The following MAPK10 variants were observed in gnomAD, a reference collection of about 807,000 sequenced individuals.
MAPK10 encodes the protein mitogen-activated protein kinase 10, also known as JNK3 alpha protein kinase.
A neutral mutation model predicts 59.3 loss-of-function variants in MAPK10; 25 were observed. That is an observed-to-expected ratio of 0.42 (90% CI 0.31 to 0.59). The LOEUF (loss-of-function observed/expected upper bound fraction) is 0.59, where lower values mean the gene tolerates loss of function less well. Ranked by LOEUF, MAPK10 falls within the 20% of genes least tolerant of loss-of-function variation. The pLI, the probability that MAPK10 is intolerant of heterozygous loss-of-function variation, is 0.15. For missense variants in MAPK10, 351 were observed against 568.9 expected, an observed-to-expected ratio of 0.62 and a Z score of 3.90; for synonymous variants, 190 against 200.5, an observed-to-expected ratio of 0.95 and a Z score of 0.44.
At chr4:86,462,482 AC>A (rs1751835212) in intron 1 of MAPK10, among the ~76,000 whole-genome samples, 1 of 152,174 alleles carries the variant, frequency 6.6e-6, no homozygotes. Flanking sequence ...TAAACATCCT[AC>A]CTGTGAAATA....
intron 1 of MAPK10, among the ~76,000 whole-genome samples, chr4:86,355,277 T>C (rs1049823128): frequency 5.3e-5 from 8 of 152,078 alleles, no homozygotes; most frequent in African/African-American, 9.7e-5. Flanking sequence ...GAAAATATGG[T>C]CATCATACCC....
intron 1 of MAPK10, among the ~76,000 whole-genome samples, chr4:86,383,078 T>C (rs1245730292): frequency 1.3e-5 from 2 of 152,244 alleles, no homozygotes; most frequent in Admixed American, 6.5e-5. Context: ...AAGAACTATA[T>C]AAGTAAATGT....
intron 1 of MAPK10, among the ~76,000 whole-genome samples, chr4:86,563,342 TA>T (rs763226898): frequency 2.8e-4 from 42 of 150,406 alleles, no homozygotes; most frequent in Admixed American, 2.2e-3. Flanking sequence ...ATGAGGGAGG[TA>T]AAAAAAAATG....
chr4:86,227,473 C>A (rs1446748309), intron 2 of MAPK10, among the ~76,000 whole-genome samples: 2 of 132,986 alleles, frequency 1.5e-5, no homozygotes, highest in Non-Finnish European at 3.1e-5. Context: ...GGCGACAGAG[C>A]GAGACTCCCT....
At chr4:86,073,485 T>C (rs1411330945) in intron 9 of MAPK10, among the ~76,000 whole-genome samples, 1 of 137,342 alleles carries the variant, frequency 7.3e-6, no homozygotes, top group Non-Finnish European at 1.6e-5. Context: ...ATTGTGATGT[T>C]AGGGTGTCAA....
At chr4:86,149,415 C>T (rs932699789) in intron 4 of MAPK10, among the ~76,000 whole-genome samples, 8 of 152,074 alleles carry the variant, frequency 5.3e-5, no homozygotes, top group African/African-American at 1.4e-4. Context: ...TATAGGCACC[C>T]ACCACCACGC....
intron 4 of MAPK10, among the ~76,000 whole-genome samples, chr4:86,135,249 A>G (rs967971196): frequency 1.3e-5 from 2 of 152,174 alleles, no homozygotes; most frequent in Non-Finnish European, 2.9e-5. Flanking sequence ...AGACAAACAA[A>G]AAGCCAGCAG....
chr4:86,096,362 T>C (rs1343267221), intron 9 of MAPK10, among the ~76,000 whole-genome samples: 1 of 151,956 alleles, frequency 6.6e-6, no homozygotes, highest in African/African-American at 2.4e-5. Flanking sequence ...GTTTTTTTGT[T>C]TGTTTTTCTG....
chr4:86,347,551 A>G (rs1461645342), intron 2 of MAPK10, among the ~76,000 whole-genome samples: 3 of 152,142 alleles, frequency 2.0e-5, no homozygotes, highest in African/African-American at 7.2e-5. Flanking sequence ...ACAATACTAG[A>G]GTGTCTTAGT....
intron 9 of MAPK10, chr4:86,079,964 T>G (rs2050294679): frequency 6.6e-6 from 1 of 152,128 alleles, no homozygotes; most frequent in South Asian, 2.1e-4. Context: ...ACTCTGCAGC[T>G]ATTATCACCT....
In MAPK10 at chr4:86,257,131, A is replaced by G. The variant is rs377114677; in HGVS notation, c.-6-62724T>C. 2.3e-4 allele frequency among the ~76,000 whole-genome samples: 35 copies of G among 152,312 alleles called. No individual in the cohort carries two copies. The Middle Eastern group carries it at 0.01, about 44-fold the overall frequency. The stretch of plus-strand genomic sequence containing the variant: ...TGTCATCTTAAAGAAGAAAATAGAG[A>G]AGATATAGGACACTAGCATGAATAT... On this transcript the variant is annotated intron_variant, in intron 2 of 13. Coordinates refer to ENST00000641462, the MANE Select transcript of MAPK10 (RefSeq NM_138982.4).
chr4:86,548,077 C>T (rs1467736343), intron 1 of MAPK10, among the ~76,000 whole-genome samples: 2 of 152,158 alleles, frequency 1.3e-5, no homozygotes, highest in Non-Finnish European at 2.9e-5. Flanking sequence ...TTCTTTCACT[C>T]TTTGCAATAA....
At chr4:86,142,998 T>C (rs1014324911) in intron 4 of MAPK10, among the ~76,000 whole-genome samples, 5 of 152,202 alleles carry the variant, frequency 3.3e-5, no homozygotes, top group African/African-American at 1.2e-4. Flanking sequence ...AAATACCTGA[T>C]ACTGGGTAAT....
At chr4:86,429,101 TTTTC>T (rs904190771) in intron 1 of MAPK10, among the ~76,000 whole-genome samples, 7 of 152,260 alleles carry the variant, frequency 4.6e-5, no homozygotes, top group South Asian at 2.1e-4. Flanking sequence ...TTATCAATAT[TTTTC>T]TTTCTTTCTT....
intron 2 of MAPK10, among the ~76,000 whole-genome samples, chr4:86,216,297 T>TAC (rs1563203145): frequency 0.066 from 5,618 of 84,962 alleles, 366 homozygotes; most frequent in African/African-American, 0.25. Context: ...ATATATAGCA[T>TAC]ATATATATAT....
chr4:86,504,403 T>A (rs1318898453), intron 1 of MAPK10, among the ~76,000 whole-genome samples: 1 of 152,114 alleles, frequency 6.6e-6, no homozygotes, highest in African/African-American at 2.4e-5. Context: ...ATCCTTCCGA[T>A]TATTGTCTGT....
intron 2 of MAPK10, among the ~76,000 whole-genome samples, chr4:86,290,055 C>A (rs1441113842): frequency 6.6e-6 from 1 of 152,076 alleles, no homozygotes; most frequent in African/African-American, 2.4e-5. Context: ...ATATACAGAT[C>A]TAGATTTCAG....
At chr4:86,527,141 G>A (rs565302863) in intron 1 of MAPK10, among the ~76,000 whole-genome samples, 11 of 151,454 alleles carry the variant, frequency 7.3e-5, no homozygotes, top group East Asian at 1.9e-4. Flanking sequence ...AGACCTTGTC[G>A]CTACTAAAAG....
chr4:86,578,037 T>C (rs1305957587), intron 1 of MAPK10, among the ~76,000 whole-genome samples: 2 of 152,160 alleles, frequency 1.3e-5, no homozygotes, highest in African/African-American at 4.8e-5. Flanking sequence ...CTAAGGTTGG[T>C]ATTACTAATT....
Sources: allele counts gnomAD v4.1 joint callset (sites outside exome capture counted in the v4.1 genomes callset), GRCh38; gene constraint gnomAD v4.1.1; transcripts MANE v1.5; gene names NCBI Gene and HGNC (gene_info 2026-07-23, HGNC 2026-07-21).